The following REEP3 variants were observed in gnomAD, a reference collection of about 807,000 sequenced individuals.
REEP3 encodes receptor accessory protein 3.
Under a neutral mutation model 41.3 loss-of-function variants are expected in REEP3, and 20 were observed. The observed-to-expected ratio is 0.48, with a 90% CI of 0.34 to 0.70. REEP3 has a LOEUF of 0.70. Among genes scored for constraint, REEP3 ranks in the 30% least tolerant of loss-of-function variants. The probability of loss-of-function intolerance (pLI) is 0.01; values close to 1 mark genes in which losing one functional copy is unlikely to be tolerated. For missense variants in REEP3, 271 were observed against 308.8 expected (o/e 0.88, Z 0.92); for synonymous variants, 104 against 101.8 (o/e 1.02, Z -0.13).
chr10:63,527,582 GA>G (rs143389134), intron 1 of REEP3, among the ~76,000 whole-genome samples: 5,602 of 152,154 alleles, frequency 0.037, 333 homozygotes, highest in East Asian at 0.29. Context: ...TGTGGATGCT[GA>G]AGTGGGAGAA....
intron 1 of REEP3, among the ~76,000 whole-genome samples, chr10:63,532,347 T>C (rs942820647): frequency 6.6e-6 from 1 of 152,094 alleles, no homozygotes; most frequent in African/African-American, 2.4e-5. Context: ...TTTCAAGTAA[T>C]GATGTGTTCA....
At position 63,521,447 on chromosome 10, in the gene REEP3, C is replaced by A; in HGVS notation, c.-99C>A. ...AGGGCGCCAGCGCGGCCCCGGGGAG[C>A]GCGAGGAGCCGGCGAAGCGCGCGGC... On this transcript the variant is annotated 5_prime_UTR_variant, in exon 1 of 8. Transcript: ENST00000373758. The A allele has an allele frequency of 1.5e-6, 1 of 655,394 alleles. No individual in the cohort carries two copies. Among genetic ancestry groups the A allele is most frequent in the Non-Finnish European group, 2.1e-6 (1 of 486,098 alleles). The allele number at this position is 655,394 out of a possible 1,614,324, so 40.6% of individuals were successfully genotyped here. A position where few individuals can be genotyped will look rare whatever the true frequency, so the allele number is the denominator to read the frequency against.
In REEP3 at chr10:63,521,529, C is replaced by A. The variant is rs1955241846; in HGVS notation, c.-17C>A. ...GCGCCCACCCGCCCCGGACGTGGGGCCCAAGCCCCCGTGAAGATGGTGTCC... is the reference window on the plus strand; with the variant it reads ...GCGCCCACCCGCCCCGGACGTGGGGACCAAGCCCCCGTGAAGATGGTGTCC... On this transcript the variant is annotated 5_prime_UTR_variant, in exon 1 of 8. Transcript: ENST00000373758. 2.1e-6 allele frequency: 3 copies of A among 1,416,686 alleles called. No individual in the cohort carries two copies. The highest frequency in any genetic ancestry group is 5.1e-5 in the Admixed American group (2 of 39,582). The allele number at this position is 1,416,686 out of a possible 1,614,324, so 87.8% of individuals were successfully genotyped here.
intron 1 of REEP3, among the ~76,000 whole-genome samples, chr10:63,522,164 G>A (rs558361300): frequency 6.6e-6 from 1 of 152,070 alleles, no homozygotes; most frequent in African/African-American, 2.4e-5. Context: ...ACCGCTCCCA[G>A]CCCAGGATCC....
At chr10:63,522,546 TGTA>T (rs1955291075) in intron 1 of REEP3, among the ~76,000 whole-genome samples, 1 of 152,180 alleles carries the variant, frequency 6.6e-6, no homozygotes, top group South Asian at 2.1e-4. Context: ...TATTCACCTC[TGTA>T]GTAGTGTTAT....
intron 2 of REEP3, among the ~76,000 whole-genome samples, chr10:63,581,603 C>T (rs1261098871): frequency 6.6e-6 from 1 of 151,860 alleles, no homozygotes; most frequent in Non-Finnish European, 1.5e-5. Flanking sequence ...ATTAGCTGGG[C>T]GTGGTGGCAT....
chr10:63,567,120 A>G (rs373278994), intron 2 of REEP3, among the ~76,000 whole-genome samples: 3 of 152,332 alleles, frequency 2.0e-5, no homozygotes, highest in East Asian at 3.9e-4. Flanking sequence ...TAGCAAAAGC[A>G]TATTGTATTG....
chr10:63,556,282 A>ATT (rs35491942), intron 1 of REEP3, among the ~76,000 whole-genome samples: 3 of 146,542 alleles, frequency 2.0e-5, no homozygotes, highest in African/African-American at 7.5e-5. Flanking sequence ...TGCCCGACTA[A>ATT]TTTTTTTTTT....
At chr10:63,548,278 A>G (rs1311621217) in intron 1 of REEP3, among the ~76,000 whole-genome samples, 5 of 152,166 alleles carry the variant, frequency 3.3e-5, no homozygotes, top group African/African-American at 9.7e-5. Context: ...TTCTCTTTAT[A>G]TATCTTTGGG....
intron 1 of REEP3, among the ~76,000 whole-genome samples, chr10:63,550,995 C>T (rs1160041393): frequency 6.6e-6 from 1 of 152,088 alleles, no homozygotes; most frequent in African/African-American, 2.4e-5. Context: ...ACATATAAAA[C>T]AGACAATTAA....
chr10:63,563,023 C>T (rs1445380826), intron 1 of REEP3: 2 of 456,412 alleles, frequency 4.4e-6, no homozygotes, highest in Admixed American at 4.7e-5. Context: ...GCCACACACA[C>T]AAACTGAGGG....
intron 1 of REEP3, among the ~76,000 whole-genome samples, chr10:63,552,592 C>T (rs947337798): frequency 6.6e-6 from 1 of 152,162 alleles, no homozygotes; most frequent in Non-Finnish European, 1.5e-5. Context: ...CCTAGCAGAA[C>T]AGTGCCCTCA....
At position 63,623,755 on chromosome 10, in the gene REEP3, ATGTGTGTGTGTGTGTG is replaced by A. The variant is rs57254958; in HGVS notation, c.*2914_*2929del. On this transcript the variant is annotated 3_prime_UTR_variant, in exon 8 of 8. Transcript: ENST00000373758. ...CCCCCTCACATACTTCACAATATAT[ATGTGTGTGTGTGTGTG>A]TGTGTGTGTGTGTGTGTGTGTGTGT... 9.8e-5 allele frequency: 14 copies of A among 142,404 alleles called. No individual in the cohort carries two copies. Among genetic ancestry groups the A allele is most frequent in the African/African-American group, 2.9e-4 (11 of 38,292 alleles). The allele number at this position is 142,404 out of a possible 1,614,324, so 8.8% of individuals were successfully genotyped here. A position where few individuals can be genotyped will look rare whatever the true frequency, so the allele number is the denominator to read the frequency against.
At position 63,624,362 on chromosome 10, in the gene REEP3, T is replaced by G. The variant is rs1956379939; in HGVS notation, c.*3493T>G. On this transcript the variant is annotated 3_prime_UTR_variant, in exon 8 of 8. Transcript: ENST00000373758. Reference sequence around the variant, plus strand: ...TTTTGTAGTATGCTACAGATTTAATTATATTAACTCTTTTTTAAGACATTG... The same window carrying G: ...TTTTGTAGTATGCTACAGATTTAATGATATTAACTCTTTTTTAAGACATTG... 2.6e-5 allele frequency: 4 copies of G among 152,164 alleles called. No homozygotes were observed. The South Asian group carries it at 8.3e-4, about 31-fold the overall frequency. The allele number at this position is 152,164 out of a possible 1,614,324, so 9.4% of individuals were successfully genotyped here. A position where few individuals can be genotyped will look rare whatever the true frequency, so the allele number is the denominator to read the frequency against.
chr10:63,569,046 A>G (rs1323962500), intron 2 of REEP3, among the ~76,000 whole-genome samples: 1 of 152,198 alleles, frequency 6.6e-6, no homozygotes, highest in African/African-American at 2.4e-5. Context: ...TTATTGTATT[A>G]TTAATATACT....
rs182368748 is a variant in REEP3, at chr10:63,625,094, G to A, written c.*4225G>A. 15 of 152,122 alleles carry A rather than the reference G, an allele frequency of 9.9e-5. No homozygotes were observed. The highest frequency in any genetic ancestry group is 5.9e-4 in the Admixed American group (9 of 15,278). 9.4% of individuals were successfully genotyped at this position (152,122 alleles called of 1,614,324 possible). A position where few individuals can be genotyped will look rare whatever the true frequency, so the allele number is the denominator to read the frequency against. On this transcript the variant is annotated 3_prime_UTR_variant, in exon 8 of 8. Transcript: ENST00000373758. ...TATATACTTGTAATGATCTAAAGAG[G>A]TTAGAAATATAAATAAAAATTCAAA... is the stretch of plus-strand genomic sequence containing the variant.
chr10:63,542,777 C>T (rs976086299), intron 1 of REEP3, among the ~76,000 whole-genome samples: 1 of 152,066 alleles, frequency 6.6e-6, no homozygotes, highest in Non-Finnish European at 1.5e-5. Context: ...CATGTAGATG[C>T]CAATTTGTGG....
At chr10:63,563,452 C>G (rs939975619) in intron 1 of REEP3, among the ~76,000 whole-genome samples, 1 of 152,094 alleles carries the variant, frequency 6.6e-6, no homozygotes, top group African/African-American at 2.4e-5. Flanking sequence ...CAGTAGTCCC[C>G]CTTTATCAGA....
chr10:63,605,974 C>T (rs1301933710), intron 5 of REEP3: 2 of 231,530 alleles, frequency 8.6e-6, no homozygotes, highest in Non-Finnish European at 1.4e-5. Context: ...AATTTAGTGC[C>T]AGCTGAAGTT....
Sources: allele counts gnomAD v4.1 joint callset (sites outside exome capture counted in the v4.1 genomes callset), GRCh38; gene constraint gnomAD v4.1.1; transcripts MANE v1.5; gene names NCBI Gene and HGNC (gene_info 2026-07-23, HGNC 2026-07-21).